Variants in ZBTB25 observed in about 807,000 individuals in gnomAD.
ZBTB25 encodes the protein zinc finger and BTB domain containing 25.
Under a neutral mutation model 34.2 loss-of-function variants are expected in ZBTB25, and 20 were observed. That is an observed-to-expected ratio of 0.58 (90% CI 0.41 to 0.85). ZBTB25 has a LOEUF of 0.85. Among genes scored for constraint, ZBTB25 ranks in the 40% least tolerant of loss-of-function variants. The probability of loss-of-function intolerance (pLI) is 0.00; values close to 1 mark genes in which losing one functional copy is unlikely to be tolerated. For synonymous variants in ZBTB25, 175 were observed against 186.4 expected (o/e 0.94, Z 0.50); for missense variants, 437 against 521.8 (o/e 0.84, Z 1.58).
downstream of ZBTB25, among the ~76,000 whole-genome samples, chr14:64,476,591 G>T (rs1461986038): frequency 6.6e-6 from 1 of 152,212 alleles, no homozygotes. Context: ...AAAGTGCTGG[G>T]ATTACAGGCG....
At chr14:64,471,154 CTTTTTTTT>C in intron 2 of ZBTB25, 1 of 136,770 alleles carries the variant, frequency 7.3e-6, no homozygotes, top group East Asian at 2.1e-4. Context: ...ATTTTCTTTT[CTTTTTTTT>C]TTTTTTTTGA....
intron 2 of ZBTB25, chr14:64,469,071 G>C: frequency 6.2e-7 from 1 of 1,614,010 alleles, no homozygotes; most frequent in Non-Finnish European, 8.5e-7. Flanking sequence ...ATTCAAACGG[G>C]AACTCTAATC....
intron 2 of ZBTB25, chr14:64,472,460 A>C (rs183215093): frequency 6.0e-6 from 1 of 167,008 alleles, no homozygotes; most frequent in African/African-American, 2.4e-5. Context: ...TAAGAAAGTA[A>C]AATTTTATCT....
intron 2 of ZBTB25, chr14:64,468,779 T>C: frequency 6.2e-7 from 1 of 1,614,194 alleles, no homozygotes; most frequent in South Asian, 1.1e-5. Flanking sequence ...TAAGATTCCC[T>C]GCATAAAATT....
chr14:64,460,065 C>T (rs2078536577), intron 2 of ZBTB25: 1 of 728,720 alleles, frequency 1.4e-6, no homozygotes, highest in African/African-American at 1.8e-5. Flanking sequence ...CTCTGCCATC[C>T]TTTGTGAGCT....
At chr14:64,458,723 G>A (rs933891260) in intron 2 of ZBTB25, 16 of 243,162 alleles carry the variant, frequency 6.6e-5, no homozygotes, top group African/African-American at 3.6e-4. Flanking sequence ...ATTAGCAAAT[G>A]TCTTAGGAAG....
rs1455552909 is a variant in ZBTB25, at chr14:64,486,236, A to T, written c.*687T>A. ...AGAATGGCGTGAACCCGGGAGGCGG[A>T]GCTTGCAGTCAGCCGAGATCGCGCC... On this transcript the variant is annotated 3_prime_UTR_variant, in exon 3 of 3. Transcript: ENST00000608382. 8 of 908,746 alleles carry T rather than the reference A, an allele frequency of 8.8e-6. No homozygotes were observed. The highest frequency in any genetic ancestry group is 9.2e-6 in the Non-Finnish European group (7 of 760,458). The allele number at this position is 908,746 out of a possible 1,614,324, so 56.3% of individuals were successfully genotyped here.
intron 2 of ZBTB25, among the ~76,000 whole-genome samples, chr14:64,457,784 A>C (rs1418515743): frequency 1.3e-5 from 2 of 152,150 alleles, no homozygotes; most frequent in Non-Finnish European, 2.9e-5. Flanking sequence ...TTTTAACAGG[A>C]TCAGTGACTT....
In ZBTB25 at chr14:64,480,348, A is replaced by T; in HGVS notation, c.*6575T>A. ...AAAAAAAAAAAAAAAAAAAAAAAAGAAGAAGCAAAGCAAGAAACTTCTGGG... is the reference window on the plus strand; with the variant it reads ...AAAAAAAAAAAAAAAAAAAAAAAAGTAGAAGCAAAGCAAGAAACTTCTGGG... On this transcript the variant is annotated 3_prime_UTR_variant, in exon 3 of 3. Coordinates refer to ENST00000608382, the MANE Select transcript of ZBTB25 (RefSeq NM_006977.5). The T allele has an allele frequency of 2.6e-6, 1 of 389,746 alleles. No individual in the cohort carries two copies. Among genetic ancestry groups the T allele is most frequent in the South Asian group, 1.9e-5 (1 of 53,022 alleles). The allele number at this position is 389,746 out of a possible 1,614,324, so 24.1% of individuals were successfully genotyped here. A position where few individuals can be genotyped will look rare whatever the true frequency, so the allele number is the denominator to read the frequency against.
At chr14:64,473,811 C>T (rs568082347), downstream of ZBTB25, 6 of 166,966 alleles carry the variant, frequency 3.6e-5, no homozygotes, top group South Asian at 6.2e-4. Flanking sequence ...ATTTAGAGTT[C>T]TTTAGGTTCA....
exon 3 of ZBTB25, chr14:64,449,470 C>G (rs17857382): frequency 6.2e-7 from 1 of 1,613,774 alleles, no homozygotes. Context: ...TGAGCTGGAC[C>G]TCATCAGCCG....
downstream of ZBTB25, chr14:64,474,418 TAA>T (rs1378823309): frequency 6.0e-6 from 1 of 167,066 alleles, no homozygotes. Flanking sequence ...ATGATAATAT[TAA>T]ATAGTACTCT....
In ZBTB25 at chr14:64,460,010, G is replaced by A. The variant is rs1449629153; in HGVS notation, c.174-10372C>T. On this transcript the variant is annotated intron_variant, in intron 2 of 2. Transcript: ENST00000555220. ...TAAAAGGAAACAAGTTTGCCATCTT[G>A]GTGTTGCAATATGAATTACAGCCTT... 8.7e-6 allele frequency: 11 copies of A among 1,263,988 alleles called. No homozygotes were observed. In the East Asian group the frequency reaches 2.8e-4, roughly 32 times the overall value. The allele number at this position is 1,263,988 out of a possible 1,614,324, so 78.3% of individuals were successfully genotyped here. A position where few individuals can be genotyped will look rare whatever the true frequency, so the allele number is the denominator to read the frequency against.
Position 64,479,222 on chromosome 14 carries a change from C to CA in ZBTB25, c.*7700dup, listed in dbSNP as rs2078750718. The CA allele has an allele frequency of 6.6e-6, 1 of 152,176 alleles. No homozygotes were observed. The allele number at this position is 152,176 out of a possible 1,614,324, so 9.4% of individuals were successfully genotyped here. ...CATCACAAAACTTACTTTAAGGTCT[C>CA]AGAAGGGTTGGTCAACCTCAGCTCT... On this transcript the variant is annotated 3_prime_UTR_variant, in exon 3 of 3. Transcript: ENST00000608382.
rs904001215 is a variant in ZBTB25 at position 64,458,388 on chromosome 14, A to G, written c.174-8750T>C. Reference sequence around the variant, plus strand: ...ATTATAGGGCTCAAACTGACGCTATAAAAATTCACATTCTAATGCTTTCAA... The same window carrying G: ...ATTATAGGGCTCAAACTGACGCTATGAAAATTCACATTCTAATGCTTTCAA... On this transcript the variant is annotated intron_variant, in intron 2 of 2. Coordinates refer to the ZBTB25 transcript ENST00000555220. 1.1e-5 allele frequency: 10 copies of G among 925,058 alleles called. No individual in the cohort carries two copies. In the African/African-American group the frequency reaches 1.6e-4, roughly 15 times the overall value. 57.3% of individuals were successfully genotyped at this position (925,058 alleles called of 1,614,324 possible).
At chr14:64,464,367 G>C (rs894353097) in intron 2 of ZBTB25, among the ~76,000 whole-genome samples, 2 of 152,120 alleles carry the variant, frequency 1.3e-5, no homozygotes, top group Non-Finnish European at 2.9e-5. Flanking sequence ...GATGCTTATG[G>C]ATTTTCCTGT....
chr14:64,473,977 TAATTA>T, downstream of ZBTB25: 1 of 167,068 alleles, frequency 6.0e-6, no homozygotes, highest in East Asian at 1.9e-4. Flanking sequence ...TCAGGTGTCC[TAATTA>T]AATTCAATTT....
intron 2 of ZBTB25, chr14:64,453,762 T>C (rs761698995): frequency 1.2e-6 from 2 of 1,604,946 alleles, no homozygotes; most frequent in Admixed American, 3.3e-5. Flanking sequence ...AGCTCCCAGT[T>C]GAGGATAAAA....
chr14:64,497,632 C>T (rs2079323437), intron 1 of ZBTB25, among the ~76,000 whole-genome samples: 1 of 150,900 alleles, frequency 6.6e-6, no homozygotes, highest in African/African-American at 2.5e-5. Flanking sequence ...ACCTTCTTTA[C>T]CTTCTAGATT....
Sources: allele counts gnomAD v4.1 joint callset (sites outside exome capture counted in the v4.1 genomes callset), GRCh38; gene constraint gnomAD v4.1.1; transcripts MANE v1.5; gene names NCBI Gene and HGNC (gene_info 2026-07-23, HGNC 2026-07-21).